Variants in KLF12 observed in about 807,000 individuals in gnomAD.
KLF12 encodes the protein KLF transcription factor 12, also known as Krueppel-like factor 12.
KLF12 carries 9 observed loss-of-function variants against 37.8 expected under a neutral mutation model. The observed-to-expected ratio is 0.24, with a 90% CI of 0.14 to 0.42. The LOEUF is 0.42. KLF12 is among the 10% of genes least tolerant of loss of function. The probability of loss-of-function intolerance (pLI) is 1.00; values close to 1 mark genes in which losing one functional copy is unlikely to be tolerated. For synonymous variants in KLF12, 208 were observed against 202.1 expected, an observed-to-expected ratio of 1.03 and a Z score of -0.25; for missense variants, 411 against 516.0, an observed-to-expected ratio of 0.80 and a Z score of 1.97.
At chr13:73,888,440 T>C (rs374393656) in intron 3 of KLF12, among the ~76,000 whole-genome samples, 10 of 152,346 alleles carry the variant, frequency 6.6e-5, no homozygotes, top group African/African-American at 1.9e-4. Flanking sequence ...GTGAAGAAAT[T>C]AGATATTGCT....
At chr13:73,722,539 G>A (rs1386381537) in intron 6 of KLF12, among the ~76,000 whole-genome samples, 1 of 152,176 alleles carries the variant, frequency 6.6e-6, no homozygotes, top group Non-Finnish European at 1.5e-5. Flanking sequence ...CAGATTCACA[G>A]GCATCAAGTT....
At position 73,845,935 on chromosome 13, in the gene KLF12, C is replaced by T. The variant is rs558170937; in HGVS notation, c.562G>A (p.Val188Met). The T allele has an allele frequency of 1.2e-5, 19 of 1,614,006 alleles. No individual in the cohort carries two copies. In the African/African-American group the frequency reaches 1.5e-4, roughly 12 times the overall value. Residue 188 changes from valine to methionine, a missense_variant, in exon 4 of 8, where the codon GTG becomes ATG. By Grantham distance (21) the Val-to-Met change is conservative (BLOSUM62 1). Around this residue, in one of 2 missense-constraint regions of KLF12, gnomAD observed 351 missense variants for 397.8 expected, o/e 0.88. Transcript: ENST00000377669. The stretch of plus-strand genomic sequence containing the variant: ...ACAACAGGCACCGACTGTACCACCA[C>T]GGGGATGCGGTGAACATGACTCAGT...
rs1474339587 is a variant in KLF12, at chr13:73,965,586, C to A, written c.34-21516G>T. Reference sequence around the variant, plus strand: ...GCTGTTTACGATCCATCCCCTTCTGCGTGGTCCATGCAGTGATAACGTGGA... The same window carrying A: ...GCTGTTTACGATCCATCCCCTTCTGAGTGGTCCATGCAGTGATAACGTGGA... On this transcript the variant is annotated intron_variant, in intron 2 of 7. Coordinates refer to ENST00000377669, the MANE Select transcript of KLF12 (RefSeq NM_007249.5). Among the ~76,000 whole-genome samples, 3 of 152,162 alleles carry A rather than the reference C, an allele frequency of 2.0e-5. No individual in the cohort carries two copies. In the South Asian group the frequency reaches 6.2e-4, roughly 32 times the overall value.
Position 74,118,472 on chromosome 13 carries a change from T to C in KLF12, c.-32+15267A>G, listed in dbSNP as rs1193899912. ...AAAAACTTTTTAAGTGCTTTATTAG[T>C]TATGTTGTAAAGGAAATCTGGTTTC... On this transcript the variant is annotated intron_variant, in intron 1 of 7. Coordinates refer to ENST00000377669, the MANE Select transcript of KLF12 (RefSeq NM_007249.5). Among the ~76,000 whole-genome samples, 13 of 152,208 alleles carry C rather than the reference T, an allele frequency of 8.5e-5. No homozygotes were observed. In the East Asian group the frequency reaches 2.5e-3, roughly 29 times the overall value.
chr13:73,738,046 CAT>C (rs1233997546), intron 6 of KLF12, among the ~76,000 whole-genome samples: 30 of 96,778 alleles, frequency 3.1e-4, no homozygotes, highest in African/African-American at 1.2e-3. Context: ...CACACACACA[CAT>C]ACGTGTGTAT....
At chr13:73,938,916 C>T (rs2139336045) in intron 3 of KLF12, among the ~76,000 whole-genome samples, 1 of 152,318 alleles carries the variant, frequency 6.6e-6, no homozygotes. Context: ...AGCTACATGG[C>T]TATGGCAAAG....
chr13:73,975,739 T>C (rs1432543511), intron 2 of KLF12, among the ~76,000 whole-genome samples: 1 of 152,202 alleles, frequency 6.6e-6, no homozygotes, highest in African/African-American at 2.4e-5. Context: ...CTTTCCTCAG[T>C]TCTTCAACTG....
chr13:74,303,627 AC>A, the KLF12 span, among the ~76,000 whole-genome samples: 3 of 152,166 alleles, frequency 2.0e-5, no homozygotes, highest in South Asian at 6.2e-4. Context: ...AAACGGAATG[AC>A]TTTTACTGAA....
At chr13:73,853,782 A>G (rs1885461478) in intron 3 of KLF12, among the ~76,000 whole-genome samples, 1 of 152,194 alleles carries the variant, frequency 6.6e-6, no homozygotes, top group African/African-American at 2.4e-5. Flanking sequence ...AAGGACTGAA[A>G]ACATGGACAA....
chr13:74,082,231 G>A lies in KLF12; in HGVS notation c.-32+51508C>T, dbSNP rs559170732. 1.9e-3 allele frequency among the ~76,000 whole-genome samples: 289 copies of A among 150,984 alleles called. 1 individual carries two copies. Among genetic ancestry groups the A allele is most frequent in the Admixed American group, 3.6e-3 (54 of 15,134 alleles). On this transcript the variant is annotated intron_variant, in intron 1 of 7. Transcript: ENST00000377669. ...ACCTGTAATCCCAGCTACTTGGGAGGCTGAGGCAAGAGGATCACCTGACCC... is the reference window on the plus strand; with the variant it reads ...ACCTGTAATCCCAGCTACTTGGGAGACTGAGGCAAGAGGATCACCTGACCC...
At chr13:73,787,172 C>T (rs1222212069) in intron 5 of KLF12, among the ~76,000 whole-genome samples, 1 of 152,170 alleles carries the variant, frequency 6.6e-6, no homozygotes, top group Non-Finnish European at 1.5e-5. Context: ...ATTGTAACAT[C>T]TGTAACAACT....
rs1566481773 is a variant in KLF12, at chr13:73,957,106, A to AAAGGAAAGG, written c.34-13037_34-13036insCCTTTCCTT. ...GAAAGGAAAGGAAAGGAAAGGAAAG[A>AAAGGAAAGG]AAGGAAAAGAAAGAAAAGGAAAGGA... On this transcript the variant is annotated intron_variant, in intron 2 of 7. Transcript: ENST00000377669. Among the ~76,000 whole-genome samples the AAAGGAAAGG allele has an allele frequency of 7.7e-3, 1,026 of 133,926 alleles. 58 individuals carry two copies. The highest frequency in any genetic ancestry group is 0.012 in the Non-Finnish European group (700 of 60,004). The allele number at this position is 133,926 out of a possible 152,430, so 87.9% of individuals were successfully genotyped here.
intron 7 of KLF12, among the ~76,000 whole-genome samples, chr13:73,714,471 C>T (rs564984240): frequency 6.6e-5 from 10 of 152,320 alleles, no homozygotes; most frequent in African/African-American, 1.9e-4. Context: ...CAAGGAAAGA[C>T]GCTGGACTGG....
intron 2 of KLF12, among the ~76,000 whole-genome samples, chr13:73,976,791 C>A (rs913311047): frequency 6.6e-6 from 1 of 152,134 alleles, no homozygotes; most frequent in African/African-American, 2.4e-5. Context: ...GAGACAGAGT[C>A]AATTTTCTAG....
chr13:74,054,829 A>C (rs1873149824), intron 1 of KLF12, among the ~76,000 whole-genome samples: 1 of 152,250 alleles, frequency 6.6e-6, no homozygotes, highest in African/African-American at 2.4e-5. Flanking sequence ...GATCTTAAGA[A>C]AAATTACTCA....
At chr13:73,905,377 C>G (rs1888232237) in intron 3 of KLF12, among the ~76,000 whole-genome samples, 1 of 149,882 alleles carries the variant, frequency 6.7e-6, no homozygotes, top group Non-Finnish European at 1.5e-5. Context: ...AATATGATAT[C>G]ATCATGGATA....
the KLF12 span, among the ~76,000 whole-genome samples, chr13:74,168,876 A>G: frequency 2.0e-5 from 3 of 152,238 alleles, no homozygotes; most frequent in South Asian, 2.1e-4. Flanking sequence ...GCTTTTGTGC[A>G]CTAATGTTAC....
At chr13:74,169,044 A>G in the KLF12 span, among the ~76,000 whole-genome samples, 1 of 152,230 alleles carries the variant, frequency 6.6e-6, no homozygotes, top group Admixed American at 6.5e-5. Context: ...GCTTCAAAGC[A>G]AGAGTCTTAG....
At chr13:73,858,703 C>T (rs1016000332) in intron 3 of KLF12, among the ~76,000 whole-genome samples, 3 of 152,080 alleles carry the variant, frequency 2.0e-5, no homozygotes, top group Admixed American at 6.5e-5. Flanking sequence ...AGCATTTTCC[C>T]CCCTAGAGAT....
Sources: gnomAD v4.1 joint callset for allele counts (sites outside exome capture counted in the v4.1 genomes callset) on GRCh38, gnomAD v4.1.1 for gene constraint, gnomAD v4.1.1 regional missense constraint, MANE v1.5 for transcripts, NCBI Gene and HGNC (gene_info 2026-07-23, HGNC 2026-07-21) for gene names.